EXTL3: variants seen among roughly 807,000 people sequenced by gnomAD.
The protein encoded by EXTL3 is exostosin like glycosyltransferase 3, also known as exostosin-like 3.
A neutral mutation model predicts 69.3 loss-of-function variants in EXTL3; 27 were observed. The ratio of observed to expected loss-of-function variants is 0.39; its 90% CI spans 0.29 to 0.54. EXTL3 has a LOEUF of 0.54. EXTL3 is among the 20% of genes least tolerant of loss of function. EXTL3 has a pLI of 0.69. For missense variants in EXTL3, 1,003 were observed against 1,231.8 expected, an observed-to-expected ratio of 0.81 and a Z score of 2.78; for synonymous variants, 511 against 499.4, an observed-to-expected ratio of 1.02 and a Z score of -0.31.
upstream of EXTL3, among the ~76,000 whole-genome samples, chr8:28,619,075 G>T (rs1806367398): frequency 8.1e-6 from 1 of 122,850 alleles, no homozygotes. Context: ...CTGGGACACA[G>T]CGTGAGACTC....
At chr8:28,617,906 C>T (rs1585215719), upstream of EXTL3, among the ~76,000 whole-genome samples, 1 of 152,244 alleles carries the variant, frequency 6.6e-6, no homozygotes, top group East Asian at 1.9e-4. Context: ...GCAAATATTG[C>T]ACGATTCCAT....
chr8:28,635,764 T>C lies in EXTL3; in HGVS notation c.-53+12954T>C, dbSNP rs576657548. On this transcript the variant is annotated intron_variant, in intron 1 of 6. Coordinates refer to the EXTL3 transcript ENST00000523149. The stretch of plus-strand genomic sequence containing the variant: ...ACACACTATTCAAACAGAATATTCA[T>C]GTAATACCTCTCCAAGGACTTCCAG... 1.9e-3 allele frequency among the ~76,000 whole-genome samples: 270 copies of C among 144,086 alleles called. 1 individual carries two copies. The highest frequency in any genetic ancestry group is 6.4e-3 in the African/African-American group (259 of 40,308). 94.5% of individuals were successfully genotyped at this position (144,086 alleles called of 152,430 possible). A position where few individuals can be genotyped will look rare whatever the true frequency, so the allele number is the denominator to read the frequency against.
rs1026892366 is a variant in EXTL3 at position 28,639,522 on chromosome 8, C to T, written c.-53+16712C>T. Among the ~76,000 whole-genome samples, 3 of 152,200 alleles carry T rather than the reference C, an allele frequency of 2.0e-5. No individual in the cohort carries two copies. The South Asian group carries it at 6.2e-4, about 31-fold the overall frequency. On this transcript the variant is annotated intron_variant, in intron 1 of 6. Coordinates refer to the EXTL3 transcript ENST00000523149. ...GAAGCTGAAGCAAAACTCCGTGTTA[C>T]GTTTTCTGAAAGGTGCTGCCTGCTG...
chr8:28,731,628 G>T (rs1048551628), intron 4 of EXTL3, among the ~76,000 whole-genome samples: 1 of 152,136 alleles, frequency 6.6e-6, no homozygotes, highest in Non-Finnish European at 1.5e-5. Flanking sequence ...GCCTGTTCCT[G>T]GTGCTGCAGG....
At chr8:28,654,913 T>G (rs574584403) in intron 1 of EXTL3, among the ~76,000 whole-genome samples, 72 of 152,288 alleles carry the variant, frequency 4.7e-4, no homozygotes, top group African/African-American at 1.7e-3. Flanking sequence ...AGAGAACTAT[T>G]ATTTAGTCAA....
chr8:28,751,664 T>C lies in EXTL3; in HGVS notation c.*798T>C, dbSNP rs575171889. 6.6e-6 allele frequency: 1 copy of C among 152,210 alleles called. No individual in the cohort carries two copies. The highest frequency in any genetic ancestry group is 2.4e-5 in the African/African-American group (1 of 41,434). The allele number at this position is 152,210 out of a possible 1,614,324, so 9.4% of individuals were successfully genotyped here. A position where few individuals can be genotyped will look rare whatever the true frequency, so the allele number is the denominator to read the frequency against. ...TAGGCCAGGCTTGCCTCCGTACTTA[T>C]CCCTGCTCTCCCATTTCTCTCTTGT... is the stretch of plus-strand genomic sequence containing the variant. On this transcript the variant is annotated 3_prime_UTR_variant, in exon 7 of 7. Transcript: ENST00000220562.
At position 28,645,556 on chromosome 8, in the gene EXTL3, C is replaced by T. The variant is rs565414821; in HGVS notation, c.-53+22746C>T. ...ACAACAACGACTAGGAGGATGGTCA[C>T]GAAGAATGTATGCTGGTAATGAAAT... On this transcript the variant is annotated intron_variant, in intron 1 of 6. Coordinates refer to the EXTL3 transcript ENST00000523149. Among the ~76,000 whole-genome samples, 9 of 152,178 alleles carry T rather than the reference C, an allele frequency of 5.9e-5. No individual in the cohort carries two copies. The South Asian group carries it at 8.3e-4, about 14-fold the overall frequency.
At chr8:28,681,326 C>T (rs556024711) in intron 1 of EXTL3, among the ~76,000 whole-genome samples, 5 of 151,572 alleles carry the variant, frequency 3.3e-5, no homozygotes, top group South Asian at 4.2e-4. Context: ...ACCAGCCTGG[C>T]CAACATTGTG....
chr8:28,745,767 T>C (rs1314783886), intron 6 of EXTL3, among the ~76,000 whole-genome samples: 2 of 152,246 alleles, frequency 1.3e-5, no homozygotes, highest in African/African-American at 4.8e-5. Flanking sequence ...AGTGTGTTTG[T>C]CTACTGCATT....
intron 3 of EXTL3, among the ~76,000 whole-genome samples, chr8:28,724,578 C>T (rs1801369040): frequency 6.9e-6 from 1 of 144,688 alleles, no homozygotes; most frequent in African/African-American, 2.6e-5. Context: ...CCAGCCTGGC[C>T]AAGATGGTGA....
At chr8:28,615,236 G>T (rs1806317599) in intron 2 of EXTL3, among the ~76,000 whole-genome samples, 1 of 152,160 alleles carries the variant, frequency 6.6e-6, no homozygotes, top group Non-Finnish European at 1.5e-5. Flanking sequence ...GCTGGATAAA[G>T]TATTCTGTAG....
Position 28,751,192 on chromosome 8 carries a change from A to T in EXTL3, c.*326A>T. 2 of 345,678 alleles carry T rather than the reference A, an allele frequency of 5.8e-6. No homozygotes were observed. Among genetic ancestry groups the T allele is most frequent in the East Asian group, 1.1e-4 (2 of 17,632 alleles). 21.4% of individuals were successfully genotyped at this position (345,678 alleles called of 1,614,324 possible). On this transcript the variant is annotated 3_prime_UTR_variant, in exon 7 of 7. Transcript: ENST00000220562. ...GTTCGTGGTTTTTACATTCAATAACAACTATTATGATTATTTAAAAAGAGA... is the reference window on the plus strand; with the variant it reads ...GTTCGTGGTTTTTACATTCAATAACTACTATTATGATTATTTAAAAAGAGA...
chr8:28,724,221 A>T (rs938432517), intron 3 of EXTL3, among the ~76,000 whole-genome samples: 10 of 152,064 alleles, frequency 6.6e-5, no homozygotes, highest in African/African-American at 2.2e-4. Context: ...GCATTCTCTC[A>T]TTTGTTGACC....
At chr8:28,640,565 A>G (rs1806726832) in intron 1 of EXTL3, among the ~76,000 whole-genome samples, 1 of 152,142 alleles carries the variant, frequency 6.6e-6, no homozygotes, top group Non-Finnish European at 1.5e-5. Context: ...GGGCTTCACC[A>G]TGGTATTAAC....
chr8:28,665,063 CTTTTT>C (rs1222832851), intron 1 of EXTL3, among the ~76,000 whole-genome samples: 3 of 62,398 alleles, frequency 4.8e-5, no homozygotes, highest in Non-Finnish European at 6.3e-5. Flanking sequence ...TTTTCCTTTA[CTTTTT>C]TTTTTTTTTT....
At position 28,716,529 on chromosome 8, in the gene EXTL3, T is replaced by C. The variant is rs376071203; in HGVS notation, c.470T>C (p.Ile157Thr). 5 of 1,613,914 alleles carry C rather than the reference T, an allele frequency of 3.1e-6. No homozygotes were observed. In the African/African-American group the frequency reaches 5.3e-5, roughly 17 times the overall value. ...AACCAGCCCAAGCTGTCCCTGCCCA[T>C]CCGACTGCTCCCAGAGAAGGACGAT... The part of the protein sequence containing the change: ...AQNQPKLSLP[I>T]RLLPEKDDAG... The change falls in exon 3 of 7, where the codon ATC becomes ACC. Residue 157 changes from isoleucine (I) to threonine (T), a missense_variant. Ile to Thr is a moderately conservative substitution (Grantham distance 89, BLOSUM62 -1). Around this residue, in one of 2 missense-constraint regions of EXTL3, gnomAD observed 742 missense variants for 815.4 expected, o/e 0.91. Coordinates refer to ENST00000220562, the MANE Select transcript of EXTL3 (RefSeq NM_001440.4). This position sits in a 1 kb window ranked among gnomAD's most constrained non-coding sequence, Gnocchi z 7.1.
chr8:28,732,122 C>A (rs768122827), intron 4 of EXTL3, among the ~76,000 whole-genome samples: 1 of 152,126 alleles, frequency 6.6e-6, no homozygotes, highest in Non-Finnish European at 1.5e-5. Flanking sequence ...AACCTGCACC[C>A]GGCCTTCAAC....
intron 1 of EXTL3, among the ~76,000 whole-genome samples, chr8:28,661,427 T>C (rs1029771116): frequency 1.3e-4 from 20 of 151,982 alleles, no homozygotes; most frequent in Non-Finnish European, 2.2e-4. Context: ...CATATATGCA[T>C]ATGAATAGAT....
intron 1 of EXTL3, among the ~76,000 whole-genome samples, chr8:28,704,943 C>G (rs1295570226): frequency 6.6e-6 from 1 of 152,232 alleles, no homozygotes; most frequent in Non-Finnish European, 1.5e-5. Context: ...CTTGAGCCGC[C>G]GCATCCGGCT....
Sources: allele counts gnomAD v4.1 joint callset (sites outside exome capture counted in the v4.1 genomes callset), GRCh38; gene constraint gnomAD v4.1.1; regional missense constraint gnomAD v4.1.1; non-coding constraint Gnocchi (gnomAD v3.1); transcripts MANE v1.5; gene names NCBI Gene and HGNC (gene_info 2026-07-23, HGNC 2026-07-21).